The following NLRP8 variants were observed in gnomAD, a reference collection of about 807,000 sequenced individuals.
NLRP8 encodes NACHT, LRR and PYD domains-containing protein 8.
Under a neutral mutation model 88.7 loss-of-function variants are expected in NLRP8, and 86 were observed. The ratio of observed to expected loss-of-function variants is 0.97; its 90% CI spans 0.81 to 1.16. The LOEUF is 1.16. Among genes scored for constraint, NLRP8 ranks in the 50% most tolerant of loss-of-function variants. NLRP8 has a pLI of 0.00. For synonymous variants in NLRP8, 504 were observed against 494.6 expected (o/e 1.02, Z -0.25); for missense variants, 1,342 against 1,286.5 (o/e 1.04, Z -0.66).
intron 6 of NLRP8, among the ~76,000 whole-genome samples, chr19:55,971,783 G>A (rs1980085119): frequency 6.6e-6 from 1 of 152,086 alleles, no homozygotes; most frequent in Admixed American, 6.6e-5. Flanking sequence ...CAGAGCAATG[G>A]GTATGAAGGT....
intron 1 of NLRP8, among the ~76,000 whole-genome samples, chr19:55,951,228 G>C (rs556186977): frequency 6.6e-6 from 1 of 152,334 alleles, no homozygotes; most frequent in South Asian, 2.1e-4. Context: ...GGATTTATCA[G>C]TGTGGTTGAC....
chr19:55,980,893 A>T (rs557510523), intron 9 of NLRP8, among the ~76,000 whole-genome samples, 166 bp from the exon 10 acceptor site: 1 of 152,204 alleles, frequency 6.6e-6, no homozygotes, highest in Non-Finnish European at 1.5e-5. Flanking sequence ...CTTTGAATTC[A>T]TTCCTGAGCT....
intron 9 of NLRP8, among the ~76,000 whole-genome samples, chr19:55,982,863 T>C (rs1397553317): frequency 3.9e-5 from 6 of 152,152 alleles, no homozygotes; most frequent in Non-Finnish European, 7.3e-5. Context: ...GGAAGATCAC[T>C]TGAGCCCAGA....
At chr19:55,984,471 A>G (rs1980714909) in intron 9 of NLRP8, among the ~76,000 whole-genome samples, 2 of 146,942 alleles carry the variant, frequency 1.4e-5, no homozygotes, top group African/African-American at 5.1e-5. Context: ...CCTGGCCAAC[A>G]TGGAGAAACC....
chr19:55,987,804 C>T lies in NLRP8; in HGVS notation c.3048-10C>T. 1.2e-6 allele frequency: 2 copies of T among 1,606,172 alleles called. No homozygotes were observed. Among genetic ancestry groups the T allele is most frequent in the Admixed American group, 1.7e-5 (1 of 59,974 alleles). ...ACCTCAACCAGCAGCCTTCCTTTAC[C>T]TCCCTCCAGCTGTATTCCTGCCTGG... On this transcript the variant is annotated splice_polypyrimidine_tract_variant and intron_variant, in intron 9 of 9. Transcript: ENST00000291971.
chr19:55,948,822 A>G (rs1031887199), intron 1 of NLRP8, among the ~76,000 whole-genome samples: 1 of 152,210 alleles, frequency 6.6e-6, no homozygotes, highest in Non-Finnish European at 1.5e-5. Flanking sequence ...AGTAGGAAGT[A>G]AAATAGTGGA....
chr19:55,954,132 T>C (rs1979221652), intron 2 of NLRP8, among the ~76,000 whole-genome samples: 1 of 152,026 alleles, frequency 6.6e-6, no homozygotes, highest in African/African-American at 2.4e-5. Flanking sequence ...TGAATGGAGA[T>C]AACACGGCTA....
chr19:55,966,179 A>G (rs1979828959), intron 4 of NLRP8, 34 bp from the exon 5 acceptor site: 1 of 1,605,580 alleles, frequency 6.2e-7, no homozygotes, highest in Non-Finnish European at 8.5e-7. Context: ...TGTGGACGGG[A>G]CCCTATTCCA....
At chr19:55,957,640 C>A (rs990972373) in intron 3 of NLRP8, among the ~76,000 whole-genome samples, 1 of 141,496 alleles carries the variant, frequency 7.1e-6, no homozygotes, top group African/African-American at 2.7e-5. Context: ...TAGCCGAGAT[C>A]GCGCCACTAT....
At chr19:55,987,004 C>T (rs1980875624) in intron 9 of NLRP8, among the ~76,000 whole-genome samples, 1 of 152,324 alleles carries the variant, frequency 6.6e-6, no homozygotes, top group South Asian at 2.1e-4. Context: ...AAAAGATCTT[C>T]CTCTAAAACC....
intron 9 of NLRP8, among the ~76,000 whole-genome samples, chr19:55,985,318 A>T (rs1311537226): frequency 1.5e-5 from 2 of 137,064 alleles, no homozygotes; most frequent in Admixed American, 1.4e-4. Flanking sequence ...AATAAAAATG[A>T]AAAAGAAAAA....
intron 8 of NLRP8, 100 bp from the exon 9 acceptor site, chr19:55,979,294 T>C: frequency 7.9e-7 from 1 of 1,269,952 alleles, no homozygotes; most frequent in South Asian, 1.3e-5. Flanking sequence ...TACACATTCC[T>C]GTCAGTGTGA....
chr19:55,985,158 C>A (rs1980750286), intron 9 of NLRP8, among the ~76,000 whole-genome samples: 1 of 152,066 alleles, frequency 6.6e-6, no homozygotes, highest in South Asian at 2.1e-4. Flanking sequence ...AAAAAATTAG[C>A]CAGGCGTGGT....
Position 55,955,310 on chromosome 19 carries a change from C to A in NLRP8, c.1252C>A (p.Gln418Lys), listed in dbSNP as rs1979292003. The change falls in exon 3 of 10, where the codon CAG (glutamine) becomes AAG (lysine). Residue 418 changes from glutamine (Q) to lysine (K), a missense_variant. Transcript: ENST00000291971. ...AATGGAGAGAGGAAACAATCTCACACAGTCATGTCCAAATGCCACCTCTGT... is the reference window on the plus strand; with the variant it reads ...AATGGAGAGAGGAAACAATCTCACAAAGTCATGTCCAAATGCCACCTCTGT... 6.2e-7 allele frequency: 1 copy of A among 1,614,086 alleles called. No individual in the cohort carries two copies. Among genetic ancestry groups the A allele is most frequent in the Non-Finnish European group, 8.5e-7 (1 of 1,180,036 alleles).
intron 9 of NLRP8, among the ~76,000 whole-genome samples, chr19:55,987,367 C>G (rs1394959453): frequency 6.6e-6 from 1 of 152,222 alleles, no homozygotes; most frequent in Non-Finnish European, 1.5e-5. Flanking sequence ...GAGACTTCGT[C>G]TCAAGTAAAA....
chr19:55,974,963 T>C (rs1428685031), intron 7 of NLRP8, among the ~76,000 whole-genome samples: 1 of 152,102 alleles, frequency 6.6e-6, no homozygotes, highest in Non-Finnish European at 1.5e-5. Flanking sequence ...AAAGTGCCAG[T>C]GTCTGTCCGA....
rs1979262371 is a variant in NLRP8, at chr19:55,954,867, T to G, written c.809T>G (p.Leu270Arg). The G allele has an allele frequency of 6.2e-7, 1 of 1,614,036 alleles. No individual in the cohort carries two copies. Among genetic ancestry groups the G allele is most frequent in the Admixed American group, 1.7e-5 (1 of 59,984 alleles). Residue 270 changes from leucine (L) to arginine (R), a missense_variant, in exon 3 of 10, where the codon CTC (leucine) becomes CGC (arginine). Leu to Arg is a moderately radical substitution (Grantham distance 102). Coordinates refer to ENST00000291971, the MANE Select transcript of NLRP8 (RefSeq NM_176811.2). ...CAAAAGTGGCCTGGATCTCAGGACC[T>G]CGTGTCAAAGATTATGTCCAAACCC... is the stretch of plus-strand genomic sequence containing the variant.
rs1052158556 is a variant in NLRP8 at position 55,979,517 on chromosome 19, C to T, written c.3000C>T (p.Thr1000=). The change falls in exon 9 of 10, where the codon ACC becomes ACT. Residue 1000 remains threonine (T), a synonymous_variant. Transcript: ENST00000291971. ...CGATTGGAGTCTATGGTATTCTGAC[C>T]TTGTGCGAGGCCTTCTCAAGCCAAA... 8 of 1,614,210 alleles carry T rather than the reference C, an allele frequency of 5.0e-6. No homozygotes were observed. Among genetic ancestry groups the T allele is most frequent in the Non-Finnish European group, 6.8e-6 (8 of 1,180,032 alleles).
intron 1 of NLRP8, 44 bp from the exon 2 acceptor site, chr19:55,952,494 G>A (rs775791609): frequency 5.9e-6 from 9 of 1,529,712 alleles, no homozygotes; most frequent in South Asian, 5.6e-5. Flanking sequence ...CTGCTACCAA[G>A]ATCTTATCAT....
Sources: allele counts gnomAD v4.1 joint callset (sites outside exome capture counted in the v4.1 genomes callset), GRCh38; gene constraint gnomAD v4.1.1; transcripts MANE v1.5; gene names NCBI Gene and HGNC (gene_info 2026-07-23, HGNC 2026-07-21).